PRKAR2B: variants seen among roughly 807,000 people sequenced by gnomAD.
PRKAR2B encodes protein kinase cAMP-dependent type II regulatory subunit beta.
A neutral mutation model predicts 49.9 loss-of-function variants in PRKAR2B; 14 were observed. That is an observed-to-expected ratio of 0.28 (90% CI 0.19 to 0.44). The LOEUF (loss-of-function observed/expected upper bound fraction) is 0.44. Among genes scored for constraint, PRKAR2B ranks in the 20% least tolerant of loss-of-function variants. The pLI is 1.00. For missense variants in PRKAR2B, 393 were observed against 537.9 expected, an observed-to-expected ratio of 0.73 and a Z score of 2.67; for synonymous variants, 196 against 197.7, an observed-to-expected ratio of 0.99 and a Z score of 0.07.
chr7:107,045,265 C>T, intron 1 of PRKAR2B, 51 bp downstream of exon 1: 2 of 1,366,360 alleles, frequency 1.5e-6, no homozygotes, highest in South Asian at 1.5e-5. Flanking sequence ...CGCTGCCCCC[C>T]ACCGCTCCCC....
At chr7:107,141,073 T>G (rs919171725) in intron 5 of PRKAR2B, 120 bp downstream of exon 5, 3 of 660,024 alleles carry the variant, frequency 4.5e-6, no homozygotes, top group Admixed American at 6.0e-5. Flanking sequence ...ACTCTTATTA[T>G]TACATAATAG....
rs906536162 is a variant in PRKAR2B at position 107,045,598 on chromosome 7, T to C, written c.307+384T>C. ...CATAAAGAAACTGGCCCGCTTGGCG[T>C]CTTCTTTCAGCCCTTGTATTTATTA... On this transcript the variant is annotated intron_variant, in intron 1 of 10. Coordinates refer to ENST00000265717, the MANE Select transcript of PRKAR2B (RefSeq NM_002736.3). Among the ~76,000 whole-genome samples, 27 of 152,208 alleles carry C rather than the reference T, an allele frequency of 1.8e-4. 1 individual carries two copies. Among genetic ancestry groups the C allele is most frequent in the African/African-American group, 6.5e-4 (27 of 41,450 alleles).
At chr7:107,051,041 G>A (rs9641372) in intron 1 of PRKAR2B, among the ~76,000 whole-genome samples, 10,746 of 152,210 alleles carry the variant, frequency 0.071, 533 homozygotes, top group South Asian at 0.18. Flanking sequence ...CTCATAGATA[G>A]TATGTATGAT....
intron 2 of PRKAR2B, among the ~76,000 whole-genome samples, chr7:107,104,732 A>C (rs1385329803): frequency 6.6e-6 from 1 of 152,190 alleles, no homozygotes; most frequent in Admixed American, 6.5e-5. Flanking sequence ...GAGTGTCTGC[A>C]TTAGTCCATT....
At chr7:107,148,029 A>G (rs1219753004) in intron 6 of PRKAR2B, among the ~76,000 whole-genome samples, 1 of 152,208 alleles carries the variant, frequency 6.6e-6, no homozygotes, top group Non-Finnish European at 1.5e-5. Flanking sequence ...TAAAAATGTG[A>G]TGAGTCACTT....
In PRKAR2B at chr7:107,070,282, T is replaced by C; in HGVS notation, c.309T>C (p.Ala103=). ...AAPADAGAFN[A]PVINRFTRRA... is the part of the protein sequence containing the mutation. ...ATATTATTCTGCTTTTTCTTTTAGC[T>C]CCAGTAATAAACCGATTCACAAGGC... The change falls in exon 2 of 11, where the codon GCT becomes GCC. Residue 103 remains alanine (A), a splice_region_variant and synonymous_variant. Coordinates refer to ENST00000265717, the MANE Select transcript of PRKAR2B (RefSeq NM_002736.3). 1.2e-6 allele frequency: 2 copies of C among 1,607,200 alleles called. No homozygotes were observed. Among genetic ancestry groups the C allele is most frequent in the Non-Finnish European group, 1.7e-6 (2 of 1,175,464 alleles).
chr7:107,056,918 A>G (rs1342237837), intron 1 of PRKAR2B, among the ~76,000 whole-genome samples: 1 of 152,206 alleles, frequency 6.6e-6, no homozygotes, highest in African/African-American at 2.4e-5. Context: ...GCACGTGCAC[A>G]GGCTTCTTTT....
intron 6 of PRKAR2B, among the ~76,000 whole-genome samples, chr7:107,150,698 TAAAAAAAAAA>T (rs58258955): frequency 2.3e-3 from 325 of 140,470 alleles, no homozygotes; most frequent in East Asian, 3.7e-3. Context: ...ATGCTTTCTT[TAAAAAAAAAA>T]AAAAAAAAAA....
intron 3 of PRKAR2B, among the ~76,000 whole-genome samples, chr7:107,125,598 G>A (rs977784405): frequency 2.6e-5 from 4 of 152,140 alleles, no homozygotes; most frequent in Non-Finnish European, 5.9e-5. Flanking sequence ...GTACAGAGGA[G>A]CTGGAGTGTC....
At chr7:107,114,812 G>A (rs560878246) in intron 2 of PRKAR2B, among the ~76,000 whole-genome samples, 1 of 152,064 alleles carries the variant, frequency 6.6e-6, no homozygotes, top group Non-Finnish European at 1.5e-5. Flanking sequence ...CTTGTGGGGT[G>A]TGAATGTTAA....
chr7:107,076,755 A>G (rs1363262568), intron 2 of PRKAR2B, among the ~76,000 whole-genome samples: 1 of 152,160 alleles, frequency 6.6e-6, no homozygotes, highest in Non-Finnish European at 1.5e-5. Context: ...AAATTTTATA[A>G]TTTTCTGTAA....
intron 2 of PRKAR2B, among the ~76,000 whole-genome samples, chr7:107,105,799 G>A (rs1795060535): frequency 6.6e-6 from 1 of 152,180 alleles, no homozygotes. Context: ...TCTTGTCTGG[G>A]CATTCCAGAC....
intron 1 of PRKAR2B, among the ~76,000 whole-genome samples, chr7:107,058,331 C>A (rs1374367836): frequency 2.0e-5 from 3 of 152,124 alleles, no homozygotes; most frequent in African/African-American, 7.2e-5. Context: ...AATTGGCAAA[C>A]AATTAGTTGG....
chr7:107,045,170 G>C lies in PRKAR2B; in HGVS notation c.263G>C (p.Gly88Ala). 3 of 1,475,452 alleles carry C rather than the reference G, an allele frequency of 2.0e-6. No individual in the cohort carries two copies. The highest frequency in any genetic ancestry group is 2.6e-5 in the East Asian group (1 of 38,740). The allele number at this position is 1,475,452 out of a possible 1,614,324, so 91.4% of individuals were successfully genotyped here. A position where few individuals can be genotyped will look rare whatever the true frequency, so the allele number is the denominator to read the frequency against. Residue 88 changes from glycine to alanine, a missense_variant, in exon 1 of 11, where the codon GGG becomes GCG. Physicochemically the swap from Gly to Ala is moderately conservative, Grantham distance 60. Around this residue, in one of 2 missense-constraint regions of PRKAR2B, gnomAD observed 160 missense variants for 147.6 expected, o/e 1.08. Coordinates refer to ENST00000265717, the MANE Select transcript of PRKAR2B (RefSeq NM_002736.3). ...CCCATGCAGTCCGACTCCGAGGACG[G>C]GGAGGAGGAGGAGGCGGCGCCCGCG... ...EEPMQSDSED[G>A]EEEEAAPADA...
intron 2 of PRKAR2B, chr7:107,078,240 G>A (rs1258976889): frequency 2.0e-5 from 3 of 151,496 alleles, no homozygotes; most frequent in Non-Finnish European, 4.4e-5. Flanking sequence ...GAAAAGAAAT[G>A]GCTTCAGGAC....
chr7:107,114,342 G>A (rs1312524951), intron 2 of PRKAR2B, among the ~76,000 whole-genome samples: 12 of 105,112 alleles, frequency 1.1e-4, no homozygotes, highest in African/African-American at 7.8e-4. Context: ...GTGTGTGTGT[G>A]TGTGTGTGTG....
chr7:107,109,426 ATTT>A (rs35160187), intron 2 of PRKAR2B, among the ~76,000 whole-genome samples: 40 of 139,878 alleles, frequency 2.9e-4, no homozygotes, highest in African/African-American at 5.6e-4. Flanking sequence ...CACTCAGCTA[ATTT>A]TTTTTTTTTT....
intron 2 of PRKAR2B, among the ~76,000 whole-genome samples, chr7:107,073,090 A>G (rs1252959938): frequency 1.3e-5 from 2 of 152,246 alleles, no homozygotes; most frequent in African/African-American, 4.8e-5. Flanking sequence ...TTAATAACTC[A>G]TTAACTGACT....
At chr7:107,137,020 A>G (rs931324447) in intron 4 of PRKAR2B, among the ~76,000 whole-genome samples, 1 of 152,232 alleles carries the variant, frequency 6.6e-6, no homozygotes, top group Non-Finnish European at 1.5e-5. Context: ...CCTTAAATGC[A>G]TAATACTAAG....
Sources: gnomAD v4.1 joint callset for allele counts (sites outside exome capture counted in the v4.1 genomes callset) on GRCh38, gnomAD v4.1.1 for gene constraint, gnomAD v4.1.1 regional missense constraint, MANE v1.5 for transcripts, NCBI Gene and HGNC (gene_info 2026-07-23, HGNC 2026-07-21) for gene names.